Variants in NR3C2 observed in about 807,000 individuals in gnomAD.
NR3C2 encodes the protein mineralocorticoid receptor.
A neutral mutation model predicts 86.4 loss-of-function variants in NR3C2; 15 were observed. The observed-to-expected ratio is 0.17, with a 90% CI of 0.12 to 0.27. NR3C2 has a LOEUF of 0.27. Among genes scored for constraint, NR3C2 ranks in the 10% least tolerant of loss-of-function variants. NR3C2 has a pLI of 1.00. For missense variants in NR3C2, 960 were observed against 1,195.6 expected (o/e 0.80, Z 2.91); for synonymous variants, 458 against 450.5 (o/e 1.02, Z -0.21).
intron 2 of NR3C2, among the ~76,000 whole-genome samples, chr4:148,269,662 A>G (rs1430083979): frequency 6.6e-6 from 1 of 152,140 alleles, no homozygotes; most frequent in Non-Finnish European, 1.5e-5. Flanking sequence ...AAAAAACAAA[A>G]CAAAACAAAA....
At chr4:148,262,437 G>A (rs776972482) in intron 2 of NR3C2, among the ~76,000 whole-genome samples, 8 of 152,000 alleles carry the variant, frequency 5.3e-5, no homozygotes, top group Non-Finnish European at 1.0e-4. Flanking sequence ...AACTGCCCAC[G>A]TGGTATCTCC....
chr4:148,165,389 T>A (rs1009525247), intron 4 of NR3C2, among the ~76,000 whole-genome samples: 7 of 152,256 alleles, frequency 4.6e-5, no homozygotes, highest in Admixed American at 3.9e-4. Flanking sequence ...ATAAAAACTT[T>A]TAATGAGGAA....
intron 2 of NR3C2, among the ~76,000 whole-genome samples, chr4:148,397,640 C>T (rs548533367): frequency 6.6e-6 from 1 of 152,282 alleles, no homozygotes; most frequent in South Asian, 2.1e-4. Flanking sequence ...CTTTCCTTTT[C>T]CTAATCCCCT....
At chr4:148,109,245 G>A (rs2149723853) in intron 8 of NR3C2, among the ~76,000 whole-genome samples, 1 of 152,302 alleles carries the variant, frequency 6.6e-6, no homozygotes, top group East Asian at 1.9e-4. Context: ...TGTAGAATAA[G>A]TGTCAGTGAG....
At chr4:148,117,412 T>C (rs1260274443) in intron 7 of NR3C2, among the ~76,000 whole-genome samples, 2 of 152,128 alleles carry the variant, frequency 1.3e-5, no homozygotes, top group Non-Finnish European at 2.9e-5. Flanking sequence ...CCACCTGCCA[T>C]TGCCTGCCTT....
intron 2 of NR3C2, among the ~76,000 whole-genome samples, chr4:148,290,169 C>T (rs1027669715): frequency 2.0e-5 from 3 of 152,160 alleles, no homozygotes; most frequent in Non-Finnish European, 4.4e-5. Context: ...TCTGTGCCCC[C>T]ACATGGTCCG....
intron 4 of NR3C2, among the ~76,000 whole-genome samples, chr4:148,157,309 A>G (rs1252309419): frequency 1.3e-5 from 2 of 152,162 alleles, no homozygotes; most frequent in South Asian, 2.1e-4. Flanking sequence ...GTATAATTAA[A>G]AAAACCCCAA....
intron 2 of NR3C2, among the ~76,000 whole-genome samples, chr4:148,311,709 T>C (rs569172706): frequency 6.6e-6 from 1 of 152,308 alleles, no homozygotes; most frequent in East Asian, 1.9e-4. Context: ...TAAGTCCTAA[T>C]AGTGGCCTAC....
chr4:148,115,042 AG>A (rs1313339565), intron 7 of NR3C2, among the ~76,000 whole-genome samples: 6 of 152,180 alleles, frequency 3.9e-5, no homozygotes, highest in Non-Finnish European at 5.9e-5. Context: ...TATGCGTGTG[AG>A]GGGGGAACAA....
At chr4:148,144,553 T>A (rs933876693) in intron 6 of NR3C2, among the ~76,000 whole-genome samples, 2 of 152,180 alleles carry the variant, frequency 1.3e-5, no homozygotes, top group African/African-American at 2.4e-5. Flanking sequence ...CAAAAAGGAA[T>A]AAATACTATT....
chr4:148,353,388 T>C (rs1745393621), intron 2 of NR3C2, among the ~76,000 whole-genome samples: 1 of 152,076 alleles, frequency 6.6e-6, no homozygotes, highest in Non-Finnish European at 1.5e-5. Context: ...AGAAACCACC[T>C]AATAATAGAA....
rs1431667799 is a variant in NR3C2, at chr4:148,080,046, C to G, written c.*1298G>C. 2 of 152,218 alleles carry G rather than the reference C, an allele frequency of 1.3e-5. No individual in the cohort carries two copies. Among genetic ancestry groups the G allele is most frequent in the Non-Finnish European group, 2.9e-5 (2 of 68,042 alleles). 9.4% of individuals were successfully genotyped at this position (152,218 alleles called of 1,614,324 possible). A position where few individuals can be genotyped will look rare whatever the true frequency, so the allele number is the denominator to read the frequency against. ...CTCTCTGAGCCATCAAGTTCCCAGTCTCACTCTCGTAGAGCTGGTTCTGCT... is the reference window on the plus strand; with the variant it reads ...CTCTCTGAGCCATCAAGTTCCCAGTGTCACTCTCGTAGAGCTGGTTCTGCT... On this transcript the variant is annotated 3_prime_UTR_variant, in exon 9 of 9. Transcript: ENST00000358102.
chr4:148,220,236 A>G (rs1166654393), intron 3 of NR3C2, among the ~76,000 whole-genome samples: 2 of 151,954 alleles, frequency 1.3e-5, no homozygotes, highest in African/African-American at 4.8e-5. Flanking sequence ...ACAGGCACGC[A>G]CCACCAAACC....
intron 2 of NR3C2, among the ~76,000 whole-genome samples, chr4:148,367,330 T>C (rs1746197914): frequency 6.6e-6 from 1 of 152,220 alleles, no homozygotes; most frequent in African/African-American, 2.4e-5. Context: ...CATACGATAA[T>C]TGCTCTATCG....
At chr4:148,443,612 C>A (rs1750459233), upstream of NR3C2, among the ~76,000 whole-genome samples, 1 of 152,000 alleles carries the variant, frequency 6.6e-6, no homozygotes, top group African/African-American at 2.4e-5. Flanking sequence ...TTTCTAAGGA[C>A]TTTTAGGCTT....
chr4:148,294,241 T>G (rs1416055200), intron 2 of NR3C2, among the ~76,000 whole-genome samples: 1 of 152,304 alleles, frequency 6.6e-6, no homozygotes, highest in East Asian at 1.9e-4. Context: ...TACTTGCTCA[T>G]GGTTGTTTTG....
intron 4 of NR3C2, among the ~76,000 whole-genome samples, chr4:148,169,243 T>A (rs1451863859): frequency 2.0e-5 from 3 of 152,182 alleles, no homozygotes; most frequent in Non-Finnish European, 4.4e-5. Flanking sequence ...AGAAATCACT[T>A]ACATAAATTA....
At chr4:148,333,924 G>A (rs896769847) in intron 2 of NR3C2, among the ~76,000 whole-genome samples, 2 of 152,190 alleles carry the variant, frequency 1.3e-5, no homozygotes, top group South Asian at 2.1e-4. Context: ...CAAAAACCAT[G>A]TTATTTCTAC....
intron 3 of NR3C2, among the ~76,000 whole-genome samples, chr4:148,214,490 C>T (rs976903908): frequency 6.6e-6 from 1 of 152,194 alleles, no homozygotes; most frequent in African/African-American, 2.4e-5. Context: ...TCTAGGTCCC[C>T]ATGAATGCAT....
Sources: allele counts gnomAD v4.1 joint callset (sites outside exome capture counted in the v4.1 genomes callset), GRCh38; gene constraint gnomAD v4.1.1; transcripts MANE v1.5; gene names NCBI Gene and HGNC (gene_info 2026-07-23, HGNC 2026-07-21).